FBXL2: variants seen among roughly 807,000 people sequenced by gnomAD.
FBXL2 encodes F-box and leucine rich repeat protein 2, also known as F-box/LRR-repeat protein 2.
FBXL2 carries 38 observed loss-of-function variants against 69.2 expected under a neutral mutation model. The observed-to-expected ratio is 0.55, with a 90% CI of 0.42 to 0.72. The LOEUF is 0.72. FBXL2 is among the 30% of genes least tolerant of loss of function. FBXL2 has a pLI of 0.00. For synonymous variants in FBXL2, 192 were observed against 201.3 expected (o/e 0.95, Z 0.39); for missense variants, 354 against 520.3 (o/e 0.68, Z 3.11).
At chr3:33,303,350 C>T (rs762324423) in intron 2 of FBXL2, among the ~76,000 whole-genome samples, 1 of 152,148 alleles carries the variant, frequency 6.6e-6, no homozygotes, top group Non-Finnish European at 1.5e-5. Context: ...TAAAAGCCCT[C>T]ATTTTCATTA....
chr3:33,405,158 C>A (rs909357553), downstream of FBXL2, among the ~76,000 whole-genome samples: 1 of 151,362 alleles, frequency 6.6e-6, no homozygotes, highest in East Asian at 1.9e-4. Flanking sequence ...TCATTTGAAG[C>A]CTCAGGAATA....
chr3:33,312,884 G>A (rs2125768251), intron 2 of FBXL2, among the ~76,000 whole-genome samples: 1 of 152,192 alleles, frequency 6.6e-6, no homozygotes, highest in East Asian at 1.9e-4. Context: ...ACTTTGGGAG[G>A]CTGAGGCAGG....
At chr3:33,372,161 C>T (rs1234229874) in intron 5 of FBXL2, among the ~76,000 whole-genome samples, 1 of 152,102 alleles carries the variant, frequency 6.6e-6, no homozygotes, top group Non-Finnish European at 1.5e-5. Flanking sequence ...AACTCTTGGG[C>T]TCAAGGGATC....
chr3:33,404,566 G>A (rs1296161876), downstream of FBXL2, among the ~76,000 whole-genome samples: 1 of 151,712 alleles, frequency 6.6e-6, no homozygotes, highest in Non-Finnish European at 1.5e-5. Flanking sequence ...AGAATTGCTT[G>A]AATCTGGGAA....
At chr3:33,289,857 G>T in intron 1 of FBXL2, 4 of 862,350 alleles carry the variant, frequency 4.6e-6, no homozygotes, top group Non-Finnish European at 5.6e-6. Flanking sequence ...TCCCTGTAGT[G>T]CACCAGGGGG....
chr3:33,296,021 C>T (rs370952104), intron 1 of FBXL2, among the ~76,000 whole-genome samples: 1 of 151,910 alleles, frequency 6.6e-6, no homozygotes. Flanking sequence ...GGTTTTTTTC[C>T]TACACTTTCT....
chr3:33,413,558 A>C, the FBXL2 span, among the ~76,000 whole-genome samples: 18 of 151,984 alleles, frequency 1.2e-4, no homozygotes, highest in African/African-American at 2.4e-4. Context: ...AAAAAAAAAA[A>C]AAAAAAACTT....
chr3:33,290,487 A>G (rs564978361), intron 1 of FBXL2, among the ~76,000 whole-genome samples: 1 of 152,384 alleles, frequency 6.6e-6, no homozygotes, highest in African/African-American at 2.4e-5. Flanking sequence ...CAGATGTTGA[A>G]CAACATGGAT....
At chr3:33,397,783 GTCTC>G (rs2044064913) in intron 12 of FBXL2, 1 of 152,042 alleles carries the variant, frequency 6.6e-6, no homozygotes, top group African/African-American at 2.4e-5. Flanking sequence ...AAGTGTAAAT[GTCTC>G]TCTATACAGG....
intron 2 of FBXL2, among the ~76,000 whole-genome samples, chr3:33,316,108 G>C (rs866945886): frequency 1.5e-4 from 22 of 151,666 alleles, no homozygotes; most frequent in Non-Finnish European, 2.9e-4. Flanking sequence ...GCCCAGGCTG[G>C]AGTGTAGTGA....
At chr3:33,350,558 C>T (rs372111446) in intron 2 of FBXL2, among the ~76,000 whole-genome samples, 65 of 152,042 alleles carry the variant, frequency 4.3e-4, no homozygotes, top group African/African-American at 1.4e-3. Flanking sequence ...TCAGCCTCCC[C>T]GGTAGCTGGG....
At chr3:33,372,334 T>G (rs2042351102) in intron 5 of FBXL2, 3 of 152,448 alleles carry the variant, frequency 2.0e-5, no homozygotes, top group Admixed American at 2.0e-4. Context: ...TGCCTTGGTC[T>G]TCCTAGAATT....
chr3:33,319,305 A>T (rs1006598336), intron 2 of FBXL2, among the ~76,000 whole-genome samples: 18 of 151,952 alleles, frequency 1.2e-4, no homozygotes, highest in African/African-American at 4.3e-4. Context: ...TCTCTTTATT[A>T]TTTTAACTAT....
chr3:33,300,677 G>A (rs924476645), intron 2 of FBXL2: 5 of 149,484 alleles, frequency 3.3e-5, no homozygotes, highest in African/African-American at 1.2e-4. Flanking sequence ...TCCATTCTCT[G>A]TGTAGCTTTC....
At chr3:33,411,435 ATTAAACCTAAC>A in the FBXL2 span, 1 of 648,060 alleles carries the variant, frequency 1.5e-6, no homozygotes, top group Non-Finnish European at 2.7e-6. Flanking sequence ...AACTTACTAG[ATTAAACCTAAC>A]TATGTATATA....
intron 1 of FBXL2, among the ~76,000 whole-genome samples, chr3:33,278,983 TACTTCTTCC>T (rs1357943573): frequency 6.6e-6 from 1 of 152,240 alleles, no homozygotes; most frequent in African/African-American, 2.4e-5. Flanking sequence ...CCTTTATTTT[TACTTCTTCC>T]ACTTCTTTCG....
rs1237684572 is a variant in FBXL2 at position 33,386,064 on chromosome 3, T to C, written c.*456T>C. The C allele has an allele frequency of 5.8e-6, 1 of 173,034 alleles. No individual in the cohort carries two copies. Among genetic ancestry groups the C allele is most frequent in the Admixed American group, 5.3e-5 (1 of 18,710 alleles). 10.7% of individuals were successfully genotyped at this position (173,034 alleles called of 1,614,324 possible). A position where few individuals can be genotyped will look rare whatever the true frequency, so the allele number is the denominator to read the frequency against. On this transcript the variant is annotated 3_prime_UTR_variant, in exon 15 of 15. Coordinates refer to ENST00000484457, the MANE Select transcript of FBXL2 (RefSeq NM_012157.5). ...TTTGATTAGCAGGACTTTTCCACTTTGAAGATAAATAGCAACTTTATCAAA... is the reference window on the plus strand; with the variant it reads ...TTTGATTAGCAGGACTTTTCCACTTCGAAGATAAATAGCAACTTTATCAAA...
chr3:33,299,656 G>A (rs2036087260), intron 2 of FBXL2, among the ~76,000 whole-genome samples: 1 of 152,058 alleles, frequency 6.6e-6, no homozygotes, highest in Non-Finnish European at 1.5e-5. Flanking sequence ...TTCAGAGGGT[G>A]TTTCATTAGT....
At position 33,398,970 on chromosome 3, in the gene FBXL2, T is replaced by C. The variant is rs141033889; in HGVS notation, n.1215-4264T>C. ...AGCAAATGACCTCCATAGGGAACTTTAAAGAGACAAAGAAGTACACGGGGA... is the reference window on the plus strand; with the variant it reads ...AGCAAATGACCTCCATAGGGAACTTCAAAGAGACAAAGAAGTACACGGGGA... On this transcript the variant is annotated intron_variant and non_coding_transcript_variant, in intron 12 of 12. Coordinates refer to the FBXL2 transcript ENST00000463736. Among the ~76,000 whole-genome samples, 146 of 152,340 alleles carry C rather than the reference T, an allele frequency of 9.6e-4. 1 individual carries two copies. Among genetic ancestry groups the C allele is most frequent in the Non-Finnish European group, 1.2e-3 (83 of 68,022 alleles).
Sources: allele counts gnomAD v4.1 joint callset (sites outside exome capture counted in the v4.1 genomes callset), GRCh38; gene constraint gnomAD v4.1.1; transcripts MANE v1.5; gene names NCBI Gene and HGNC (gene_info 2026-07-23, HGNC 2026-07-21).